AMDHD1: variants seen among roughly 807,000 people sequenced by gnomAD.
The protein encoded by AMDHD1 is probable imidazolonepropionase.
Under a neutral mutation model 44.1 loss-of-function variants are expected in AMDHD1, and 45 were observed. The observed-to-expected ratio is 1.02, with a 90% confidence interval of 0.80 to 1.31. The LOEUF (loss-of-function observed/expected upper bound fraction) is 1.31. Ranked by LOEUF, AMDHD1 falls within the 50% of genes most tolerant of loss-of-function variation. AMDHD1 has a pLI of 0.00. For synonymous variants in AMDHD1, 206 were observed against 205.0 expected (o/e 1.00, Z -0.04); for missense variants, 586 against 552.1 (o/e 1.06, Z -0.61).
At chr12:95,954,844 C>A in intron 2 of AMDHD1, 67 bp from the exon 3 acceptor site, 1 of 1,457,000 alleles carries the variant, frequency 6.9e-7, no homozygotes, top group Non-Finnish European at 9.6e-7. Flanking sequence ...TATAGTGCTG[C>A]TGTTTGCCTG....
chr12:95,962,674 C>T (rs1592826369), intron 6 of AMDHD1, among the ~76,000 whole-genome samples, 195 bp downstream of exon 6: 1 of 152,146 alleles, frequency 6.6e-6, no homozygotes, highest in South Asian at 2.1e-4. Flanking sequence ...GAACTTAGAC[C>T]CAGATTGCCT....
intron 4 of AMDHD1, among the ~76,000 whole-genome samples, chr12:95,959,433 G>A (rs2080568562): frequency 6.6e-6 from 1 of 152,180 alleles, no homozygotes; most frequent in Admixed American, 6.5e-5. Context: ...TTTAGAGACA[G>A]GGTCTTGCTC....
intron 1 of AMDHD1, among the ~76,000 whole-genome samples, chr12:95,945,986 T>C: frequency 6.6e-6 from 1 of 152,102 alleles, no homozygotes; most frequent in African/African-American, 2.4e-5. Flanking sequence ...AGGGTGTAAA[T>C]TCCACCATTG....
intron 4 of AMDHD1, 57 bp from the exon 5 acceptor site, chr12:95,960,341 G>A: frequency 6.6e-7 from 1 of 1,505,526 alleles, no homozygotes; most frequent in Non-Finnish European, 9.1e-7. Context: ...AGATTACCCT[G>A]TCTTTTTGTG....
rs750329689 is a variant in AMDHD1 at position 95,954,960 on chromosome 12, C to T, written c.294C>T (p.His98=). Residue 98 remains histidine, a synonymous_variant, in exon 3 of 9, where the codon CAC becomes CAT. Coordinates refer to ENST00000266736, the MANE Select transcript of AMDHD1 (RefSeq NM_152435.3). ...THPVWAGERV[H]EFAMKLAGAT... ...CAGTATGGGCTGGTGAAAGAGTTCA[C>T]GAATTTGCAATGAAGGTAACTGCAA... 5.0e-6 allele frequency: 8 copies of T among 1,613,890 alleles called. No individual in the cohort carries two copies. The highest frequency in any genetic ancestry group is 3.3e-5 in the Admixed American group (2 of 59,998).
chr12:95,958,404 TA>T (rs2080563498), intron 4 of AMDHD1, among the ~76,000 whole-genome samples: 1 of 152,208 alleles, frequency 6.6e-6, no homozygotes, highest in Non-Finnish European at 1.5e-5. Flanking sequence ...AAGACATAAA[TA>T]TTTAATATTT....
chr12:95,950,317 C>G (rs779687186), intron 1 of AMDHD1, among the ~76,000 whole-genome samples: 1 of 152,160 alleles, frequency 6.6e-6, no homozygotes, highest in Non-Finnish European at 1.5e-5. Context: ...ATCATTATTT[C>G]TTTTCCTATC....
chr12:95,943,680 T>C (rs1346956114), intron 1 of AMDHD1, 145 bp downstream of exon 1: 1 of 1,181,818 alleles, frequency 8.5e-7, no homozygotes, highest in Non-Finnish European at 1.1e-6. Flanking sequence ...GGGTACCTGT[T>C]GCTAACACGC....
chr12:95,961,832 T>G (rs2080583341), intron 5 of AMDHD1, among the ~76,000 whole-genome samples: 2 of 152,256 alleles, frequency 1.3e-5, no homozygotes, highest in South Asian at 4.1e-4. Flanking sequence ...GGATTTGTGT[T>G]TAAGAATAGT....
At chr12:95,966,576 C>A (rs2080612378) in intron 8 of AMDHD1, 68 bp downstream of exon 8, 6 of 1,556,972 alleles carry the variant, frequency 3.9e-6, no homozygotes, top group Non-Finnish European at 5.3e-6. Flanking sequence ...GCCTAAATCC[C>A]TTTTCCACTA....
Position 95,954,577 on chromosome 12 carries a change from TAAAATAAAATA to T in AMDHD1, c.245-330_245-320del, listed in dbSNP as rs773732771. ...AGTGAGAACCTTTCTCAAAAATAAA[TAAAATAAAATA>T]AAATAAAATAAAATAAAATAAAAGC... On this transcript the variant is annotated intron_variant, in intron 2 of 8. Coordinates refer to ENST00000266736, the MANE Select transcript of AMDHD1 (RefSeq NM_152435.3). Among the ~76,000 whole-genome samples the T allele has an allele frequency of 2.9e-3, 206 of 70,698 alleles. 2 individuals carry two copies. Among genetic ancestry groups the T allele is most frequent in the African/African-American group, 0.017 (191 of 11,056 alleles). The allele number at this position is 70,698 out of a possible 152,430, so 46.4% of individuals were successfully genotyped here. A position where few individuals can be genotyped will look rare whatever the true frequency, so the allele number is the denominator to read the frequency against.
chr12:95,957,715 A>C (rs2080559011), intron 4 of AMDHD1, among the ~76,000 whole-genome samples: 2 of 152,308 alleles, frequency 1.3e-5, no homozygotes, highest in Admixed American at 6.5e-5. Flanking sequence ...TAATTGTTTA[A>C]ATTTCTTTTA....
chr12:95,967,343 A>T (rs141850363), intron 8 of AMDHD1, among the ~76,000 whole-genome samples: 1 of 152,328 alleles, frequency 6.6e-6, no homozygotes, highest in African/African-American at 2.4e-5. Context: ...GCAGCAAACC[A>T]TATCAGGGTT....
intron 4 of AMDHD1, among the ~76,000 whole-genome samples, chr12:95,959,118 T>C (rs1050894946): frequency 6.6e-6 from 1 of 152,052 alleles, no homozygotes; most frequent in African/African-American, 2.4e-5. Flanking sequence ...TAAGTGCCTG[T>C]CTCTCATAGT....
chr12:95,967,644 G>T, intron 8 of AMDHD1, 112 bp from the exon 9 acceptor site: 1 of 795,080 alleles, frequency 1.3e-6, no homozygotes, highest in Non-Finnish European at 1.9e-6. Context: ...CATTGACTGG[G>T]TGTAAATAAA....
rs1347058869 is a variant in AMDHD1 at position 95,948,838 on chromosome 12, C to A, written c.138-3879C>A. Among the ~76,000 whole-genome samples, 4 of 33,532 alleles carry A rather than the reference C, an allele frequency of 1.2e-4. 1 individual carries two copies. The highest frequency in any genetic ancestry group is 7.4e-4 in the African/African-American group (4 of 5,386). The allele number at this position is 33,532 out of a possible 152,430, so 22.0% of individuals were successfully genotyped here. A position where few individuals can be genotyped will look rare whatever the true frequency, so the allele number is the denominator to read the frequency against. ...GTTGATCTGTGACCTTACCCCCAAC[C>A]CTGTGCTCTCTGAAACATGTGCTGT... On this transcript the variant is annotated intron_variant, in intron 1 of 8. Coordinates refer to ENST00000266736, the MANE Select transcript of AMDHD1 (RefSeq NM_152435.3).
chr12:95,965,587 T>C (rs1281301523), intron 6 of AMDHD1, 99 bp from the exon 7 acceptor site: 1 of 652,788 alleles, frequency 1.5e-6, no homozygotes, highest in Non-Finnish European at 2.6e-6. Context: ...TCTTCCAGAA[T>C]ATGAAGGCGT....
chr12:95,946,293 T>A (rs2080495481), intron 1 of AMDHD1, among the ~76,000 whole-genome samples: 1 of 152,314 alleles, frequency 6.6e-6, no homozygotes, highest in East Asian at 1.9e-4. Flanking sequence ...ATGGAAAATG[T>A]TGAAGGAAAA....
chr12:95,962,607 A>G, intron 6 of AMDHD1, 128 bp downstream of exon 6: 1 of 1,198,490 alleles, frequency 8.3e-7, no homozygotes. Context: ...AAGAAAACTC[A>G]GCTAATGAAG....
Sources: gnomAD v4.1 joint callset for allele counts (sites outside exome capture counted in the v4.1 genomes callset) on GRCh38, gnomAD v4.1.1 for gene constraint, MANE v1.5 for transcripts, NCBI Gene and HGNC (gene_info 2026-07-23, HGNC 2026-07-21) for gene names.